Variants in CRBN observed in about 807,000 individuals in gnomAD.
CRBN encodes the protein cereblon, also known as protein cereblon.
CRBN carries 53 observed loss-of-function variants against 62.2 expected under a neutral mutation model. The ratio of observed to expected loss-of-function variants is 0.85; its 90% CI spans 0.68 to 1.07. CRBN has a LOEUF of 1.07. Ranked by LOEUF, CRBN falls within the 50% of genes least tolerant of loss-of-function variation. CRBN has a pLI of 0.00. For missense variants in CRBN, 616 were observed against 531.1 expected, an observed-to-expected ratio of 1.16 and a Z score of -1.57; for synonymous variants, 208 against 176.1, an observed-to-expected ratio of 1.18 and a Z score of -1.43.
At chr3:3,163,520 T>C (rs1350712818) in intron 5 of CRBN, among the ~76,000 whole-genome samples, 2 of 152,204 alleles carry the variant, frequency 1.3e-5, no homozygotes, top group African/African-American at 4.8e-5. Flanking sequence ...ACAGGAAGAA[T>C]TTAAGTAGTA....
intron 1 of CRBN, among the ~76,000 whole-genome samples, chr3:3,178,027 A>AC (rs1159887110): frequency 6.6e-6 from 1 of 151,802 alleles, no homozygotes; most frequent in Non-Finnish European, 1.5e-5. Flanking sequence ...CAAAAAAAAA[A>AC]CAAACAAAAA....
Position 3,150,713 on chromosome 3 carries a change from T to A in CRBN, c.*152A>T, listed in dbSNP as rs1706470488. On this transcript the variant is annotated 3_prime_UTR_variant, in exon 11 of 11. Transcript: ENST00000231948. ...TATACTTAAAAGTTTCAAATACAGTTTCACTTAGAAACTGCAACCCTCCAA... is the reference window on the plus strand; with the variant it reads ...TATACTTAAAAGTTTCAAATACAGTATCACTTAGAAACTGCAACCCTCCAA... 1 of 746,854 alleles carries A rather than the reference T, an allele frequency of 1.3e-6. No individual in the cohort carries two copies. Among genetic ancestry groups the A allele is most frequent in the African/African-American group, 1.8e-5 (1 of 56,784 alleles). The allele number at this position is 746,854 out of a possible 1,614,324, so 46.3% of individuals were successfully genotyped here.
chr3:3,166,813 CATA>C lies in CRBN; in HGVS notation c.687+818_687+820del, dbSNP rs529063352. 9.2e-3 allele frequency among the ~76,000 whole-genome samples: 1,397 copies of C among 151,994 alleles called. 23 individuals are homozygous for C. Among genetic ancestry groups the C allele is most frequent in the Non-Finnish European group, 8.8e-3 (598 of 67,974 alleles). On this transcript the variant is annotated intron_variant, in intron 5 of 10. Transcript: ENST00000231948. Reference sequence around the variant, plus strand: ...ATATAAGTCCACTTCATTAATTATCCATAATAATTTACATTAAATTAGGATTCT... The same window carrying C: ...ATATAAGTCCACTTCATTAATTATCCATAATTTACATTAAATTAGGATTCT...
intron 8 of CRBN, 100 bp downstream of exon 8, chr3:3,153,860 T>TC (rs1414133093): frequency 1.1e-5 from 8 of 759,588 alleles, no homozygotes; most frequent in Non-Finnish European, 1.9e-5. Context: ...CATGACTACA[T>TC]TACTGGACTC....
intron 4 of CRBN, among the ~76,000 whole-genome samples, chr3:3,168,502 G>A (rs1164516738): frequency 1.3e-5 from 2 of 152,096 alleles, no homozygotes; most frequent in African/African-American, 4.8e-5. Flanking sequence ...GTATCTATGA[G>A]CTATCTTCCT....
intron 5 of CRBN, among the ~76,000 whole-genome samples, chr3:3,163,856 C>A (rs1467237192): frequency 6.6e-6 from 1 of 152,174 alleles, no homozygotes; most frequent in African/African-American, 2.4e-5. Context: ...TTCTGGCAAC[C>A]CTGTTTCAAG....
chr3:3,174,270 A>G lies in CRBN; in HGVS notation c.175-9T>C, dbSNP rs1669321. 0.98 allele frequency: 1,569,249 copies of G among 1,600,996 alleles called. 773,580 individuals carry two copies. Among genetic ancestry groups the G allele is most frequent in the East Asian group, 1 (44,811 of 44,812 alleles). On this transcript the variant is annotated splice_polypyrimidine_tract_variant and intron_variant, in intron 2 of 10. Coordinates refer to ENST00000231948, the MANE Select transcript of CRBN (RefSeq NM_016302.4). ...ATATCAGCACCTAGGTACTATATAA[A>G]AACATATATAGGTATAGTGTCATGA...
At chr3:3,166,045 G>C (rs1707313966) in intron 5 of CRBN, among the ~76,000 whole-genome samples, 1 of 151,998 alleles carries the variant, frequency 6.6e-6, no homozygotes, top group South Asian at 2.1e-4. Context: ...AAGAAACAAG[G>C]GTAAACATGT....
At chr3:3,156,828 CCTCTAA>C (rs1457625023) in intron 5 of CRBN, 1 of 154,086 alleles carries the variant, frequency 6.5e-6, no homozygotes, top group Non-Finnish European at 1.4e-5. Flanking sequence ...TTATTTATCA[CCTCTAA>C]TTGTAACTGA....
At chr3:3,165,836 G>C (rs904145571) in intron 5 of CRBN, among the ~76,000 whole-genome samples, 1 of 152,062 alleles carries the variant, frequency 6.6e-6, no homozygotes, top group Admixed American at 6.6e-5. Flanking sequence ...ATGACACATA[G>C]GGAACAACTT....
At chr3:3,171,345 T>C (rs1214700937) in intron 4 of CRBN, among the ~76,000 whole-genome samples, 1 of 152,070 alleles carries the variant, frequency 6.6e-6, no homozygotes, top group Non-Finnish European at 1.5e-5. Context: ...GTTAGCAAAA[T>C]CCACAGTAAC....
chr3:3,161,488 C>T (rs1707137775), intron 5 of CRBN, among the ~76,000 whole-genome samples: 1 of 152,156 alleles, frequency 6.6e-6, no homozygotes, highest in Non-Finnish European at 1.5e-5. Context: ...TCCCGGGTTC[C>T]AGTGATTCTC....
chr3:3,176,692 T>C (rs1025772098), intron 1 of CRBN, among the ~76,000 whole-genome samples: 4 of 152,212 alleles, frequency 2.6e-5, no homozygotes, highest in African/African-American at 9.6e-5. Flanking sequence ...GCTGAGATTG[T>C]GCTATTGCAC....
At chr3:3,172,378 C>G (rs909769431) in intron 4 of CRBN, 1 of 222,622 alleles carries the variant, frequency 4.5e-6, no homozygotes, top group Non-Finnish European at 9.1e-6. Flanking sequence ...GAACAGCTCA[C>G]AAGCCTCTGG....
intron 3 of CRBN, among the ~76,000 whole-genome samples, chr3:3,173,588 C>A (rs1468948620): frequency 6.6e-6 from 1 of 152,130 alleles, no homozygotes; most frequent in Admixed American, 6.6e-5. Flanking sequence ...GTATGTATTT[C>A]CTGCCTCTAC....
Position 3,174,015 on chromosome 3 carries a change from C to T in CRBN, c.377+44G>A, listed in dbSNP as rs567920025. 1.2e-4 allele frequency: 181 copies of T among 1,505,068 alleles called. 2 individuals are homozygous for T. The South Asian group carries it at 1.9e-3, about 16-fold the overall frequency. 93.2% of individuals were successfully genotyped at this position (1,505,068 alleles called of 1,614,324 possible). ...CTTCAACACTGACCACTGCAATTACCCATGAGAGGGAATGTATTAAGCAAA... is the reference window on the plus strand; with the variant it reads ...CTTCAACACTGACCACTGCAATTACTCATGAGAGGGAATGTATTAAGCAAA... On this transcript the variant is annotated intron_variant, in intron 3 of 10. Transcript: ENST00000231948.
At chr3:3,172,194 T>G (rs1707645296) in intron 4 of CRBN, 2 of 153,644 alleles carry the variant, frequency 1.3e-5, no homozygotes, top group Middle Eastern at 6.8e-3. Context: ...AAGTATTTAT[T>G]GATCATTTAT....
chr3:3,150,402 A>T lies in CRBN; in HGVS notation c.*463T>A, dbSNP rs1706436671. 1 of 153,872 alleles carries T rather than the reference A, an allele frequency of 6.5e-6. No homozygotes were observed. Among genetic ancestry groups the T allele is most frequent in the South Asian group, 2.0e-4 (1 of 4,972 alleles). The allele number at this position is 153,872 out of a possible 1,614,324, so 9.5% of individuals were successfully genotyped here. ...ATATACATTGCCTTGCTTCTTTCCA[A>T]AAGGAACATGTACTTGTCACCCTAG... On this transcript the variant is annotated 3_prime_UTR_variant, in exon 11 of 11. Coordinates refer to ENST00000231948, the MANE Select transcript of CRBN (RefSeq NM_016302.4).
At chr3:3,167,084 G>A (rs1707381114) in intron 5 of CRBN, among the ~76,000 whole-genome samples, 1 of 151,806 alleles carries the variant, frequency 6.6e-6, no homozygotes, top group African/African-American at 2.4e-5. Context: ...TTTTTCCTAT[G>A]ACAATTATGA....
Sources: gnomAD v4.1 joint callset for allele counts (sites outside exome capture counted in the v4.1 genomes callset) on GRCh38, gnomAD v4.1.1 for gene constraint, MANE v1.5 for transcripts, NCBI Gene and HGNC (gene_info 2026-07-23, HGNC 2026-07-21) for gene names.